Variants in SATB2 observed in about 807,000 individuals in gnomAD.
SATB2 encodes the protein SATB homeobox 2.
A neutral mutation model predicts 73.4 loss-of-function variants in SATB2; 1 was observed. That is an observed-to-expected ratio of 0.01 (90% confidence interval 0.00 to 0.06). SATB2 has a LOEUF of 0.06. Ranked by LOEUF, SATB2 falls within the 10% of genes least tolerant of loss-of-function variation. The probability of loss-of-function intolerance (pLI) is 1.00; values close to 1 mark genes in which losing one functional copy is unlikely to be tolerated. For synonymous variants in SATB2, 397 were observed against 367.0 expected (o/e 1.08, Z -0.93); for missense variants, 459 against 945.8 (o/e 0.49, Z 6.75).
intron 3 of SATB2, among the ~76,000 whole-genome samples, chr2:199,386,716 G>GCGCA (rs1689968284): frequency 3.2e-4 from 3 of 9,272 alleles, no homozygotes; most frequent in African/African-American, 4.8e-4. Context: ...GCGCGCGCGC[G>GCGCA]CACACACACA....
At chr2:199,275,536 C>G (rs1322863187) in intron 10 of SATB2, among the ~76,000 whole-genome samples, 5 of 152,018 alleles carry the variant, frequency 3.3e-5, no homozygotes, top group Non-Finnish European at 7.4e-5. Context: ...AATTCCAATT[C>G]GGAGGATTCT....
chr2:199,423,654 A>T (rs1342476763), intron 3 of SATB2: 1 of 152,152 alleles, frequency 6.6e-6, no homozygotes, highest in Non-Finnish European at 1.5e-5. Context: ...TCATAGTAAT[A>T]AAACAAGACA....
At chr2:199,392,128 T>C (rs1427061849) in intron 3 of SATB2, among the ~76,000 whole-genome samples, 2 of 152,102 alleles carry the variant, frequency 1.3e-5, no homozygotes, top group African/African-American at 4.8e-5. Context: ...CAGGAGATGC[T>C]GGTGATAAGC....
intron 7 of SATB2, among the ~76,000 whole-genome samples, chr2:199,344,972 C>T (rs1186055363): frequency 6.6e-6 from 1 of 152,158 alleles, no homozygotes; most frequent in East Asian, 1.9e-4. Flanking sequence ...TTTTAAGCCT[C>T]TCTCTCTTAA....
chr2:199,376,731 C>G (rs554017354), intron 5 of SATB2, among the ~76,000 whole-genome samples: 1 of 152,096 alleles, frequency 6.6e-6, no homozygotes, highest in African/African-American at 2.4e-5. Flanking sequence ...ACAATGACAA[C>G]AGGCTGAGAT....
At chr2:199,285,464 T>G (rs1432839869) in intron 10 of SATB2, among the ~76,000 whole-genome samples, 2 of 152,142 alleles carry the variant, frequency 1.3e-5, no homozygotes, top group Admixed American at 1.3e-4. Context: ...TTAAGTTGGC[T>G]CTTATGATTG....
At chr2:199,409,033 C>T (rs1690724926) in intron 3 of SATB2, among the ~76,000 whole-genome samples, 1 of 152,088 alleles carries the variant, frequency 6.6e-6, no homozygotes, top group African/African-American at 2.4e-5. Context: ...ATACACTACT[C>T]AGCTATGTTA....
At chr2:199,363,796 A>C (rs548030251) in intron 6 of SATB2, among the ~76,000 whole-genome samples, 10 of 152,222 alleles carry the variant, frequency 6.6e-5, no homozygotes, top group Non-Finnish European at 1.5e-4. Flanking sequence ...ATATGTATAC[A>C]ATATTCAAAG....
chr2:199,386,937 A>G (rs1309381676), intron 3 of SATB2, among the ~76,000 whole-genome samples: 1 of 152,222 alleles, frequency 6.6e-6, no homozygotes, highest in Non-Finnish European at 1.5e-5. Context: ...ATTCCAACCC[A>G]GATAACCCAC....
At position 199,464,005 on chromosome 2, in the gene SATB2, G is replaced by C. The variant is rs1486692819; in HGVS notation, c.-141+831C>G. Among the ~76,000 whole-genome samples, 1 of 152,168 alleles carries C rather than the reference G, an allele frequency of 6.6e-6. No individual in the cohort carries two copies. The highest frequency in any genetic ancestry group is 1.5e-5 in the Non-Finnish European group (1 of 68,034). ...GAGAGGGCGAAAAAGCCCGCTGCGG[G>C]ACCCACGGTCCCAGACACCTACTGG... On this transcript the variant is annotated intron_variant, in intron 1 of 11. Transcript: ENST00000260926. The surrounding 1 kb of genome is among the most constrained non-coding windows in gnomAD (Gnocchi z 6.6).
rs1451972497 is a variant in SATB2 at position 199,456,061 on chromosome 2, T to C, written c.-24A>G. On this transcript the variant is annotated 5_prime_UTR_variant, in exon 2 of 11. Coordinates refer to ENST00000417098, the MANE Select transcript of SATB2 (RefSeq NM_001172509.2). ...ATGCTGCTCCGACTCGGAGACAAAG[T>C]TCCCACCGGCAGGTCGCAATAAAAC... is the stretch of plus-strand genomic sequence containing the variant. 2.2e-6 allele frequency: 3 copies of C among 1,387,464 alleles called. No individual in the cohort carries two copies. The highest frequency in any genetic ancestry group is 2.8e-6 in the Non-Finnish European group (3 of 1,056,166). 85.9% of individuals were successfully genotyped at this position (1,387,464 alleles called of 1,614,324 possible).
Position 199,308,904 on chromosome 2 carries a change from G to A in SATB2, c.1596C>T (p.Arg532=). 6.2e-7 allele frequency: 1 copy of A among 1,614,192 alleles called. No individual in the cohort carries two copies. The highest frequency in any genetic ancestry group is 8.5e-7 in the Non-Finnish European group (1 of 1,180,028). ...RWKENPSPEN[R]TLWENLCTIR... is the part of the protein sequence containing the mutation. Reference sequence around the variant, plus strand: ...TGGTACAGAGGTTTTCCCAGAGGGTGCGGTTTTCTGGGCTTGGGTTCTCCT... The same window carrying A: ...TGGTACAGAGGTTTTCCCAGAGGGTACGGTTTTCTGGGCTTGGGTTCTCCT... The change falls in exon 10 of 11, where the codon CGC becomes CGT. Residue 532 remains arginine, a synonymous_variant. Transcript: ENST00000417098. This position sits in a 1 kb window ranked among gnomAD's most constrained non-coding sequence, Gnocchi z 4.6.
At chr2:199,404,285 T>C (rs1201127986) in intron 3 of SATB2, among the ~76,000 whole-genome samples, 1 of 152,230 alleles carries the variant, frequency 6.6e-6, no homozygotes, top group Non-Finnish European at 1.5e-5. Flanking sequence ...CGCTCTCATT[T>C]AGCTTAAGTT....
At chr2:199,397,646 T>G (rs1690340269) in intron 3 of SATB2, 1 of 241,922 alleles carries the variant, frequency 4.1e-6, no homozygotes, top group South Asian at 3.5e-5. Flanking sequence ...CCCAGTACTT[T>G]GGGAGGCCGA....
intron 5 of SATB2, among the ~76,000 whole-genome samples, chr2:199,374,621 G>A (rs1333435427): frequency 5.9e-5 from 9 of 152,194 alleles, no homozygotes; most frequent in Non-Finnish European, 1.3e-4. Context: ...ATATGTTTAG[G>A]AGATGGAGCA....
At chr2:199,277,999 T>C (rs753651610) in intron 10 of SATB2, among the ~76,000 whole-genome samples, 2 of 152,088 alleles carry the variant, frequency 1.3e-5, no homozygotes, top group African/African-American at 2.4e-5. Flanking sequence ...GAGTAAAATA[T>C]AGAGAAAAAT....
At chr2:199,458,224 G>C (rs1341960219), upstream of SATB2, 2 of 231,726 alleles carry the variant, frequency 8.6e-6, no homozygotes, top group East Asian at 1.9e-4. Flanking sequence ...GGGCTGGGGA[G>C]GTTGCGGGGG....
At chr2:199,434,442 C>T (rs1203380267) in intron 2 of SATB2, among the ~76,000 whole-genome samples, 4 of 151,460 alleles carry the variant, frequency 2.6e-5, no homozygotes, top group Non-Finnish European at 5.9e-5. Flanking sequence ...TTTTTTTAAA[C>T]TTTTTTTTTA....
chr2:199,320,222 A>G (rs933305806), intron 9 of SATB2, among the ~76,000 whole-genome samples: 14 of 152,136 alleles, frequency 9.2e-5, no homozygotes, highest in African/African-American at 3.4e-4. Flanking sequence ...ATGCCTTTAC[A>G]TTATGGCTTC....
Sources: gnomAD v4.1 joint callset for allele counts (sites outside exome capture counted in the v4.1 genomes callset) on GRCh38, gnomAD v4.1.1 for gene constraint, Gnocchi (gnomAD v3.1) non-coding constraint, MANE v1.5 for transcripts, NCBI Gene and HGNC (gene_info 2026-07-23, HGNC 2026-07-21) for gene names.